The following ZBTB25 variants were observed in gnomAD, a reference collection of about 807,000 sequenced individuals.
ZBTB25 encodes zinc finger and BTB domain containing 25.
ZBTB25 carries 20 observed loss-of-function variants against 34.2 expected under a neutral mutation model. The observed-to-expected ratio is 0.58, with a 90% CI of 0.41 to 0.85. The LOEUF (loss-of-function observed/expected upper bound fraction) is 0.85. Among genes scored for constraint, ZBTB25 ranks in the 40% least tolerant of loss-of-function variants. The pLI is 0.00. For synonymous variants in ZBTB25, 175 were observed against 186.4 expected (o/e 0.94, Z 0.50); for missense variants, 437 against 521.8 (o/e 0.84, Z 1.58).
At position 64,490,390 on chromosome 14, in the gene ZBTB25, ATAGT is replaced by A; in HGVS notation, c.140_143del (p.Asn47IlefsTer4). 3.1e-6 allele frequency: 5 copies of A among 1,606,762 alleles called. No individual in the cohort carries two copies. Among genetic ancestry groups the A allele is most frequent in the African/African-American group, 1.3e-5 (1 of 74,846 alleles). On this transcript the variant is annotated frameshift_variant, in exon 2 of 3. Coordinates refer to ENST00000608382, the MANE Select transcript of ZBTB25 (RefSeq NM_006977.5). LOFTEE classifies it high-confidence loss of function. ...TTTGGTGAATAAATATCATCTTGAA[ATAGT>A]TAGAAAAAGCAGCAAGCACTGCTCT...
In ZBTB25 at chr14:64,480,793, C is replaced by T. The variant is rs2078780125; in HGVS notation, c.*6130G>A. 1 of 151,714 alleles carries T rather than the reference C, an allele frequency of 6.6e-6. No homozygotes were observed. The highest frequency in any genetic ancestry group is 6.6e-5 in the Admixed American group (1 of 15,190). The allele number at this position is 151,714 out of a possible 1,614,324, so 9.4% of individuals were successfully genotyped here. On this transcript the variant is annotated 3_prime_UTR_variant, in exon 3 of 3. Coordinates refer to ENST00000608382, the MANE Select transcript of ZBTB25 (RefSeq NM_006977.5). Reference sequence around the variant, plus strand: ...AGTAGCTGGGACTGCAGGCACGTGCCACCACACCCAGCTAATTTTTTGTGT... The same window carrying T: ...AGTAGCTGGGACTGCAGGCACGTGCTACCACACCCAGCTAATTTTTTGTGT...
intron 2 of ZBTB25, chr14:64,467,456 T>A (rs2078623729): frequency 6.6e-6 from 1 of 152,184 alleles, no homozygotes; most frequent in African/African-American, 2.4e-5. Flanking sequence ...AGTACTTAAA[T>A]GAAAATGTCA....
At chr14:64,460,299 T>C (rs1191880789) in intron 2 of ZBTB25, 3 of 192,622 alleles carry the variant, frequency 1.6e-5, no homozygotes, top group Non-Finnish European at 3.3e-5. Flanking sequence ...GAAGTATTGC[T>C]TATACAAGTT....
At position 64,487,950 on chromosome 14, in the gene ZBTB25, C is replaced by T. The variant is rs760872937; in HGVS notation, c.281G>A (p.Arg94His). Residue 94 changes from arginine to histidine, a missense_variant, in exon 3 of 3, where the codon CGT becomes CAT. Coordinates refer to ENST00000608382, the MANE Select transcript of ZBTB25 (RefSeq NM_006977.5). Reference sequence around the variant, plus strand: ...AAGAAATCGAATCCCTTCCTCCAAACGACTATGATCCACAATCTGTTTTGG... The same window carrying T: ...AAGAAATCGAATCCCTTCCTCCAAATGACTATGATCCACAATCTGTTTTGG... ...KGPKQIVDHS[R>H]LEEGIRFLHA... 33 of 1,614,054 alleles carry T rather than the reference C, an allele frequency of 2.0e-5. No homozygotes were observed. The highest frequency in any genetic ancestry group is 6.7e-5 in the East Asian group (3 of 44,886).
intron 1 of ZBTB25, among the ~76,000 whole-genome samples, chr14:64,493,782 T>C (rs1280353935): frequency 6.8e-6 from 1 of 147,984 alleles, no homozygotes; most frequent in East Asian, 2.0e-4. Context: ...AAAGGCAGAG[T>C]CCCAGAACAT....
rs191150895 is a variant in ZBTB25 at position 64,479,487 on chromosome 14, A to G, written c.*7436T>C. ...TGGGCCATGGGCTGCCCCAATAGTT[A>G]GTCAAACATTATTCTGGGTGTGTCC... is the stretch of plus-strand genomic sequence containing the variant. On this transcript the variant is annotated 3_prime_UTR_variant, in exon 3 of 3. Coordinates refer to ENST00000608382, the MANE Select transcript of ZBTB25 (RefSeq NM_006977.5). 1.3e-5 allele frequency: 2 copies of G among 152,404 alleles called. No homozygotes were observed. Among genetic ancestry groups the G allele is most frequent in the Admixed American group, 1.3e-4 (2 of 15,312 alleles). The allele number at this position is 152,404 out of a possible 1,614,324, so 9.4% of individuals were successfully genotyped here. A position where few individuals can be genotyped will look rare whatever the true frequency, so the allele number is the denominator to read the frequency against.
intron 1 of ZBTB25, among the ~76,000 whole-genome samples, chr14:64,498,383 G>A (rs2079356251): frequency 6.6e-6 from 1 of 151,860 alleles, no homozygotes; most frequent in Non-Finnish European, 1.5e-5. Context: ...CGCGATCTCG[G>A]CTCAATGCAA....
At chr14:64,455,007 T>A in intron 2 of ZBTB25, 1 of 896,876 alleles carries the variant, frequency 1.1e-6, no homozygotes. Flanking sequence ...GGGCCTATTA[T>A]GATTGCTGTG....
At chr14:64,477,341 C>T (rs1049405348), downstream of ZBTB25, among the ~76,000 whole-genome samples, 1 of 152,068 alleles carries the variant, frequency 6.6e-6, no homozygotes, top group South Asian at 2.1e-4. Flanking sequence ...TTTGAGAGAG[C>T]AGCAAAACTG....
intron 2 of ZBTB25, chr14:64,471,431 C>A (rs1202932097): frequency 6.0e-6 from 1 of 166,966 alleles, no homozygotes; most frequent in Admixed American, 6.5e-5. Context: ...GGATTACAGG[C>A]ATGAGCCACC....
chr14:64,449,768 C>T, intron 2 of ZBTB25: 2 of 894,538 alleles, frequency 2.2e-6, no homozygotes, highest in Non-Finnish European at 3.6e-6. Context: ...ACAACCACAG[C>T]CTGGACTCCC....
exon 3 of ZBTB25, chr14:64,449,245 T>C (rs562608028): frequency 1.2e-5 from 8 of 640,890 alleles, no homozygotes; most frequent in Admixed American, 6.9e-5. Context: ...AGGGTGGAAA[T>C]TGAGGCACAT....
chr14:64,450,198 G>C (rs1430566684), intron 2 of ZBTB25, among the ~76,000 whole-genome samples: 1 of 152,170 alleles, frequency 6.6e-6, no homozygotes, highest in Non-Finnish European at 1.5e-5. Context: ...CTTCGAAAAG[G>C]GTCAAAGTAC....
intron 1 of ZBTB25, among the ~76,000 whole-genome samples, chr14:64,500,541 T>C (rs371258107): frequency 6.9e-6 from 1 of 145,362 alleles, no homozygotes; most frequent in East Asian, 2.1e-4. Context: ...TAAATGCCTA[T>C]AATCCCAGCA....
rs2078853606 is a variant in ZBTB25 at position 64,485,970 on chromosome 14, T to C, written c.*953A>G. 1.0e-6 allele frequency: 1 copy of C among 984,484 alleles called. No homozygotes were observed. Among genetic ancestry groups the C allele is most frequent in the Non-Finnish European group, 1.2e-6 (1 of 829,190 alleles). 61.0% of individuals were successfully genotyped at this position (984,484 alleles called of 1,614,324 possible). ...TGTGTATATCTTACTGTTTCTTAAATATTTTTTAATGTCTCTCTGACTCTT... is the reference window on the plus strand; with the variant it reads ...TGTGTATATCTTACTGTTTCTTAAACATTTTTTAATGTCTCTCTGACTCTT... On this transcript the variant is annotated 3_prime_UTR_variant, in exon 3 of 3. Coordinates refer to ENST00000608382, the MANE Select transcript of ZBTB25 (RefSeq NM_006977.5).
intron 2 of ZBTB25, among the ~76,000 whole-genome samples, chr14:64,452,386 A>G (rs2078386955): frequency 6.6e-6 from 1 of 152,176 alleles, no homozygotes; most frequent in Non-Finnish European, 1.5e-5. Flanking sequence ...TGCTCATCCA[A>G]ATTACCCATG....
intron 1 of ZBTB25, among the ~76,000 whole-genome samples, chr14:64,492,081 G>C (rs1036250125): frequency 8.0e-6 from 1 of 125,118 alleles, no homozygotes; most frequent in African/African-American, 3.0e-5. Context: ...TCATGCCACT[G>C]CACTTCACCC....
At chr14:64,505,037 A>C (rs1025860939), upstream of ZBTB25, 3 of 378,720 alleles carry the variant, frequency 7.9e-6, no homozygotes, top group Non-Finnish European at 1.4e-5. Flanking sequence ...GCGGGGCCGG[A>C]GGGGCGCCGA....
intron 2 of ZBTB25, chr14:64,458,022 C>G (rs2078502974): frequency 6.4e-6 from 4 of 621,536 alleles, no homozygotes; most frequent in Non-Finnish European, 1.2e-5. Context: ...TCCCAAGTAG[C>G]TGGAACTACA....
Sources: allele counts gnomAD v4.1 joint callset (sites outside exome capture counted in the v4.1 genomes callset), GRCh38; gene constraint gnomAD v4.1.1; transcripts MANE v1.5; gene names NCBI Gene and HGNC (gene_info 2026-07-23, HGNC 2026-07-21).